PITPNC1: variants seen among roughly 807,000 people sequenced by gnomAD.
PITPNC1 encodes the protein phosphatidylinositol transfer protein cytoplasmic 1, also known as cytoplasmic phosphatidylinositol transfer protein 1.
PITPNC1 carries 18 observed loss-of-function variants against 44.7 expected under a neutral mutation model. That is an observed-to-expected ratio of 0.40 (90% CI 0.28 to 0.60). The LOEUF is 0.60. Among genes scored for constraint, PITPNC1 ranks in the 20% least tolerant of loss-of-function variants. PITPNC1 has a pLI of 0.39. For synonymous variants in PITPNC1, 141 were observed against 149.6 expected (o/e 0.94, Z 0.42); for missense variants, 290 against 418.4 (o/e 0.69, Z 2.68).
At chr17:67,521,398 A>C (rs2040323448) in intron 1 of PITPNC1, among the ~76,000 whole-genome samples, 1 of 152,174 alleles carries the variant, frequency 6.6e-6, no homozygotes, top group South Asian at 2.1e-4. Context: ...GACACCTCCG[A>C]GGGCTGCTTA....
intron 1 of PITPNC1, among the ~76,000 whole-genome samples, chr17:67,464,358 C>A (rs992868751): frequency 6.6e-6 from 1 of 152,130 alleles, no homozygotes; most frequent in Admixed American, 6.6e-5. Context: ...TTCATAAAGA[C>A]ATTTAGGCTG....
intron 6 of PITPNC1, among the ~76,000 whole-genome samples, chr17:67,656,448 A>G (rs2042268974): frequency 6.6e-6 from 1 of 152,228 alleles, no homozygotes; most frequent in South Asian, 2.1e-4. Context: ...CACTTAATCC[A>G]GCATGATCTC....
intron 7 of PITPNC1, among the ~76,000 whole-genome samples, chr17:67,670,872 TTTG>T (rs971558304): frequency 1.3e-5 from 2 of 152,182 alleles, no homozygotes; most frequent in African/African-American, 2.4e-5. Flanking sequence ...ATTTTGGTTT[TTTG>T]TTGTTGTTGC....
intron 1 of PITPNC1, among the ~76,000 whole-genome samples, chr17:67,402,092 T>A (rs967832848): frequency 2.0e-5 from 3 of 152,158 alleles, no homozygotes; most frequent in African/African-American, 7.2e-5. Context: ...AGCCGTAAGG[T>A]CTCTGTTGCA....
intron 4 of PITPNC1, among the ~76,000 whole-genome samples, chr17:67,574,104 C>G (rs2041102003): frequency 6.6e-6 from 1 of 152,148 alleles, no homozygotes; most frequent in Admixed American, 6.5e-5. Context: ...ATGTGCCAGT[C>G]ACTGTGCTGG....
At chr17:67,610,517 G>T (rs1050757611) in intron 5 of PITPNC1, among the ~76,000 whole-genome samples, 7 of 152,096 alleles carry the variant, frequency 4.6e-5, no homozygotes, top group Admixed American at 1.3e-4. Context: ...TTTGGGCCAG[G>T]CGTGGTGCCG....
intron 1 of PITPNC1, among the ~76,000 whole-genome samples, chr17:67,409,114 G>T (rs1480352379): frequency 8.8e-6 from 1 of 113,518 alleles, no homozygotes; most frequent in Non-Finnish European, 1.6e-5. Flanking sequence ...GTCTCGCTCT[G>T]TCGCCCAGGC....
chr17:67,617,674 C>T (rs1181456063), intron 5 of PITPNC1, among the ~76,000 whole-genome samples: 1 of 152,196 alleles, frequency 6.6e-6, no homozygotes, highest in African/African-American at 2.4e-5. Context: ...CCCTCCTTGC[C>T]TCTTCCAGCC....
At chr17:67,556,233 AG>A (rs2040836788) in intron 4 of PITPNC1, among the ~76,000 whole-genome samples, 1 of 152,178 alleles carries the variant, frequency 6.6e-6, no homozygotes, top group East Asian at 1.9e-4. Context: ...TTTTGGGGAC[AG>A]GGCTACAGTC....
intron 1 of PITPNC1, among the ~76,000 whole-genome samples, chr17:67,454,204 T>G (rs1356833142): frequency 6.6e-6 from 1 of 151,834 alleles, no homozygotes; most frequent in Non-Finnish European, 1.5e-5. Context: ...TGAGCCAAGA[T>G]TGTGCCACTG....
At chr17:67,470,263 G>C (rs1333828291) in intron 1 of PITPNC1, among the ~76,000 whole-genome samples, 1 of 152,146 alleles carries the variant, frequency 6.6e-6, no homozygotes, top group Non-Finnish European at 1.5e-5. Context: ...CTCACTTTAA[G>C]TGTACAGCTT....
intron 2 of PITPNC1, among the ~76,000 whole-genome samples, chr17:67,540,943 G>T (rs369708620): frequency 6.6e-6 from 1 of 152,096 alleles, no homozygotes; most frequent in Non-Finnish European, 1.5e-5. Context: ...AGGGCTGGAC[G>T]CAATGGCTCA....
intron 4 of PITPNC1, among the ~76,000 whole-genome samples, chr17:67,563,985 G>C (rs1418565646): frequency 1.3e-5 from 2 of 152,172 alleles, no homozygotes; most frequent in South Asian, 2.1e-4. Flanking sequence ...AGATAAGAGA[G>C]ATGGATAGAT....
chr17:67,519,388 G>C (rs949565109), intron 1 of PITPNC1, among the ~76,000 whole-genome samples: 1 of 152,030 alleles, frequency 6.6e-6, no homozygotes, highest in African/African-American at 2.4e-5. Context: ...TGTTGGCCAG[G>C]CTGTTCTCGA....
intron 5 of PITPNC1, among the ~76,000 whole-genome samples, chr17:67,579,086 T>A (rs2041191410): frequency 6.6e-6 from 1 of 152,276 alleles, no homozygotes; most frequent in Non-Finnish European, 1.5e-5. Context: ...CCACACATCC[T>A]ACCTTAAAAT....
At chr17:67,387,403 C>G (rs765158237) in intron 1 of PITPNC1, among the ~76,000 whole-genome samples, 1 of 152,198 alleles carries the variant, frequency 6.6e-6, no homozygotes, top group East Asian at 1.9e-4. Flanking sequence ...CAGCGGCTCA[C>G]GCCTGTAATC....
intron 1 of PITPNC1, among the ~76,000 whole-genome samples, chr17:67,515,662 G>A: frequency 6.6e-6 from 1 of 152,202 alleles, no homozygotes; most frequent in Non-Finnish European, 1.5e-5. Context: ...GAAGGAGGAT[G>A]AAGAGAAGTG....
intron 4 of PITPNC1, among the ~76,000 whole-genome samples, chr17:67,577,547 C>T (rs749840351): frequency 6.6e-6 from 1 of 150,666 alleles, no homozygotes; most frequent in African/African-American, 2.4e-5. Flanking sequence ...GGCGACAGAG[C>T]AAGACCCTGT....
intron 1 of PITPNC1, among the ~76,000 whole-genome samples, chr17:67,500,194 A>G (rs1439019522): frequency 6.6e-6 from 1 of 152,188 alleles, no homozygotes; most frequent in Non-Finnish European, 1.5e-5. Flanking sequence ...GTTTTCGGCA[A>G]TATTCTCTTT....
Sources: allele counts gnomAD v4.1 joint callset (sites outside exome capture counted in the v4.1 genomes callset), GRCh38; gene constraint gnomAD v4.1.1; transcripts MANE v1.5; gene names NCBI Gene and HGNC (gene_info 2026-07-23, HGNC 2026-07-21).